The following PIK3C2G variants were observed in gnomAD, a reference collection of about 807,000 sequenced individuals.
PIK3C2G encodes phosphatidylinositol 3-kinase C2 domain-containing subunit gamma.
PIK3C2G carries 168 observed loss-of-function variants against 181.1 expected under a neutral mutation model. The ratio of observed to expected loss-of-function variants is 0.93; its 90% CI spans 0.82 to 1.05. The LOEUF is 1.05. PIK3C2G is among the 50% of genes least tolerant of loss of function. PIK3C2G has a pLI of 0.00. For synonymous variants in PIK3C2G, 573 were observed against 592.2 expected, an observed-to-expected ratio of 0.97 and a Z score of 0.47; for missense variants, 1,869 against 1,732.8, an observed-to-expected ratio of 1.08 and a Z score of -1.40.
intron 18 of PIK3C2G, among the ~76,000 whole-genome samples, chr12:18,451,724 C>T (rs111227509): frequency 9.2e-5 from 14 of 152,156 alleles, no homozygotes; most frequent in African/African-American, 3.1e-4. Flanking sequence ...TCATAAATAG[C>T]TCTTATTAGT....
chr12:18,487,094 T>TC (rs1940113278), intron 18 of PIK3C2G, among the ~76,000 whole-genome samples: 1 of 84,184 alleles, frequency 1.2e-5, no homozygotes, highest in African/African-American at 4.9e-5. Flanking sequence ...CCTTGAGGTA[T>TC]TTTGTGTGTG....
chr12:18,628,344 A>G (rs983310410), intron 31 of PIK3C2G, among the ~76,000 whole-genome samples: 1 of 152,156 alleles, frequency 6.6e-6, no homozygotes, highest in African/African-American at 2.4e-5. Flanking sequence ...CTTACTTTAT[A>G]AACAGTTTAA....
chr12:18,442,989 A>G (rs560173327), intron 18 of PIK3C2G, among the ~76,000 whole-genome samples: 1 of 151,914 alleles, frequency 6.6e-6, no homozygotes, highest in African/African-American at 2.4e-5. Context: ...CTCCTGCCTC[A>G]GCCTCCCACG....
At chr12:18,434,202 A>G (rs1340219388) in intron 18 of PIK3C2G, among the ~76,000 whole-genome samples, 1 of 152,174 alleles carries the variant, frequency 6.6e-6, no homozygotes, top group African/African-American at 2.4e-5. Flanking sequence ...AGTGAAGAAA[A>G]GCAAACTGAC....
chr12:18,718,015 C>A, the PIK3C2G span, among the ~76,000 whole-genome samples: 1 of 152,030 alleles, frequency 6.6e-6, no homozygotes, highest in African/African-American at 2.4e-5. Context: ...GGTAAACAAC[C>A]AAAACTCTAT....
chr12:18,575,128 A>G (rs555979262), intron 29 of PIK3C2G, among the ~76,000 whole-genome samples: 21 of 152,288 alleles, frequency 1.4e-4, no homozygotes, highest in Admixed American at 1.1e-3. Context: ...TGAGCTGTCA[A>G]TCAGGACTGC....
chr12:18,484,689 C>T (rs1290677100), intron 18 of PIK3C2G, among the ~76,000 whole-genome samples: 2 of 152,090 alleles, frequency 1.3e-5, no homozygotes, highest in Non-Finnish European at 2.9e-5. Flanking sequence ...GATTGTATAA[C>T]GTATCAAGTT....
At chr12:18,312,299 AGAAG>A (rs1950672461) in intron 5 of PIK3C2G, among the ~76,000 whole-genome samples, 1 of 152,206 alleles carries the variant, frequency 6.6e-6, no homozygotes, top group Admixed American at 6.5e-5. Context: ...GATAAAATAA[AGAAG>A]GTCAGTTTAA....
downstream of PIK3C2G, among the ~76,000 whole-genome samples, chr12:18,651,406 A>T (rs989685280): frequency 1.2e-4 from 19 of 152,136 alleles, no homozygotes; most frequent in Admixed American, 1.2e-3. Flanking sequence ...TTATGCACTT[A>T]TCATCTTTGA....
the PIK3C2G span, chr12:18,688,257 A>G: frequency 6.4e-7 from 1 of 1,563,724 alleles, no homozygotes; most frequent in South Asian, 1.2e-5. Flanking sequence ...TTAGCAAGAT[A>G]TTAAGTTACA....
intron 18 of PIK3C2G, among the ~76,000 whole-genome samples, chr12:18,436,823 G>A (rs988780372): frequency 2.0e-5 from 3 of 151,980 alleles, no homozygotes; most frequent in South Asian, 2.1e-4. Context: ...TTTTGAAACA[G>A]TATCAAGTGT....
rs773973345 is a variant in PIK3C2G, at chr12:18,647,482, T to C, written c.4309-394T>C. Among the ~76,000 whole-genome samples the C allele has an allele frequency of 1.1e-4, 17 of 152,146 alleles. No homozygotes were observed. In the South Asian group the frequency reaches 1.7e-3, roughly 15 times the overall value. ...AAAAAAAAAAATAGTCTGCTTTTCC[T>C]CATTAACCTTCAACACAGAAGAATG... is the stretch of plus-strand genomic sequence containing the variant. On this transcript the variant is annotated intron_variant, in intron 32 of 32. Coordinates refer to ENST00000538779, the MANE Select transcript of PIK3C2G (RefSeq NM_001288772.2).
At chr12:18,575,701 T>G (rs1186686870) in intron 29 of PIK3C2G, among the ~76,000 whole-genome samples, 1 of 152,068 alleles carries the variant, frequency 6.6e-6, no homozygotes, top group East Asian at 1.9e-4. Flanking sequence ...CAAGTAGCAG[T>G]TGGTAACTGG....
intron 26 of PIK3C2G, among the ~76,000 whole-genome samples, chr12:18,549,133 A>G (rs1268869027): frequency 6.6e-6 from 1 of 152,030 alleles, no homozygotes; most frequent in African/African-American, 2.4e-5. Context: ...TGATCATTCC[A>G]GTACTTCCCA....
chr12:18,699,816 G>T, the PIK3C2G span: 1 of 1,613,222 alleles, frequency 6.2e-7, no homozygotes, highest in Non-Finnish European at 8.5e-7. Context: ...AAAGTTTTCG[G>T]GCTTGTGTCT....
At chr12:18,287,159 T>C (rs1949480637) in intron 3 of PIK3C2G, among the ~76,000 whole-genome samples, 1 of 152,202 alleles carries the variant, frequency 6.6e-6, no homozygotes, top group Non-Finnish European at 1.5e-5. Flanking sequence ...TGGTTAAAGT[T>C]AAATGTTTTA....
intron 16 of PIK3C2G, among the ~76,000 whole-genome samples, chr12:18,403,614 G>A (rs981931397): frequency 1.3e-5 from 2 of 151,982 alleles, no homozygotes; most frequent in African/African-American, 4.8e-5. Flanking sequence ...TCCAGCTTGG[G>A]GAGTTTTTAA....
At chr12:18,577,535 G>A (rs1341264142) in intron 29 of PIK3C2G, among the ~76,000 whole-genome samples, 1 of 152,138 alleles carries the variant, frequency 6.6e-6, no homozygotes, top group Non-Finnish European at 1.5e-5. Context: ...TCTAATGGGA[G>A]AAGGCATTTA....
chr12:18,563,962 C>T (rs374421715), intron 28 of PIK3C2G, among the ~76,000 whole-genome samples: 10 of 149,394 alleles, frequency 6.7e-5, no homozygotes, highest in African/African-American at 2.2e-4. Flanking sequence ...ATTATATATG[C>T]TTATTATATA....
Sources: allele counts gnomAD v4.1 joint callset (sites outside exome capture counted in the v4.1 genomes callset), GRCh38; gene constraint gnomAD v4.1.1; transcripts MANE v1.5; gene names NCBI Gene and HGNC (gene_info 2026-07-23, HGNC 2026-07-21).